Variants in PCDH7 observed in about 807,000 individuals in gnomAD.
PCDH7 encodes the protein protocadherin 7, also known as protocadherin-7.
Under a neutral mutation model 58.9 loss-of-function variants are expected in PCDH7, and 17 were observed. The ratio of observed to expected loss-of-function variants is 0.29; its 90% CI spans 0.20 to 0.43. The LOEUF is 0.43. PCDH7 is among the 20% of genes least tolerant of loss of function. The pLI, the probability that PCDH7 is intolerant of heterozygous loss-of-function variation, is 1.00. For synonymous variants in PCDH7, 664 were observed against 616.4 expected, an observed-to-expected ratio of 1.08 and a Z score of -1.14; for missense variants, 1,274 against 1,441.0, an observed-to-expected ratio of 0.88 and a Z score of 1.88.
At chr4:31,040,988 A>G (rs1401167167) in intron 3 of PCDH7, among the ~76,000 whole-genome samples, 1 of 151,924 alleles carries the variant, frequency 6.6e-6, no homozygotes, top group Non-Finnish European at 1.5e-5. Context: ...ATATTTGTCC[A>G]CTTTCTGAGA....
chr4:30,988,209 GATA>G (rs556159999), intron 3 of PCDH7, among the ~76,000 whole-genome samples: 152 of 152,268 alleles, frequency 1.0e-3, no homozygotes, highest in African/African-American at 3.6e-3. Context: ...AGTACCATGT[GATA>G]GGAAATGAGG....
intron 3 of PCDH7, among the ~76,000 whole-genome samples, chr4:31,007,986 C>A (rs1024666107): frequency 2.5e-4 from 38 of 152,108 alleles, no homozygotes; most frequent in Admixed American, 6.6e-4. Context: ...TTAATCGCTG[C>A]AGCATGACAT....
At chr4:31,082,297 A>C (rs552131422) in intron 3 of PCDH7, among the ~76,000 whole-genome samples, 1 of 152,308 alleles carries the variant, frequency 6.6e-6, no homozygotes, top group African/African-American at 2.4e-5. Context: ...GGGATACAAC[A>C]ACCTTAAGAC....
chr4:30,804,551 AG>A (rs1725944444), intron 1 of PCDH7, among the ~76,000 whole-genome samples: 1 of 145,640 alleles, frequency 6.9e-6, no homozygotes, highest in South Asian at 2.1e-4. Flanking sequence ...AAAAAAAAAA[AG>A]ATGTCAGGCA....
chr4:31,103,955 G>C (rs1715228304), intron 3 of PCDH7, among the ~76,000 whole-genome samples: 1 of 152,104 alleles, frequency 6.6e-6, no homozygotes, highest in Admixed American at 6.5e-5. Context: ...ACGTGATACG[G>C]TTTCATGCCT....
At chr4:31,006,094 T>C (rs960712640) in intron 3 of PCDH7, among the ~76,000 whole-genome samples, 4 of 152,156 alleles carry the variant, frequency 2.6e-5, no homozygotes, top group African/African-American at 9.7e-5. Flanking sequence ...GCTAAATAAA[T>C]TTTGGCTACT....
chr4:31,107,537 AGGACATC>A (rs1200593583), intron 3 of PCDH7, among the ~76,000 whole-genome samples: 2 of 152,224 alleles, frequency 1.3e-5, no homozygotes, highest in Non-Finnish European at 2.9e-5. Context: ...AGACAGAAAC[AGGACATC>A]AGTCAAAATG....
chr4:30,844,782 G>A (rs566964211), intron 1 of PCDH7, among the ~76,000 whole-genome samples: 14 of 152,274 alleles, frequency 9.2e-5, no homozygotes, highest in Non-Finnish European at 2.1e-4. Context: ...AAAGAGAGCA[G>A]ATTAATGTAT....
intron 3 of PCDH7, among the ~76,000 whole-genome samples, chr4:31,047,876 G>C (rs1029189477): frequency 6.6e-6 from 1 of 152,016 alleles, no homozygotes; most frequent in South Asian, 2.1e-4. Context: ...GTTCCCACTT[G>C]ATAGGAGGTC....
intron 3 of PCDH7, among the ~76,000 whole-genome samples, chr4:31,119,924 A>C (rs2109321978): frequency 6.6e-6 from 1 of 151,772 alleles, no homozygotes; most frequent in South Asian, 2.1e-4. Context: ...ATCTTATCAG[A>C]AAGCTACTGG....
At chr4:30,828,869 T>A (rs1729430405) in intron 1 of PCDH7, among the ~76,000 whole-genome samples, 1 of 152,052 alleles carries the variant, frequency 6.6e-6, no homozygotes, top group African/African-American at 2.4e-5. Flanking sequence ...CCCATGATTT[T>A]AATAGTGACA....
chr4:30,957,839 G>A (rs749014446), intron 3 of PCDH7, among the ~76,000 whole-genome samples: 3 of 152,034 alleles, frequency 2.0e-5, no homozygotes, highest in Non-Finnish European at 4.4e-5. Flanking sequence ...AGTTACTTTC[G>A]GCTAACGCAT....
At chr4:30,906,360 T>C (rs1394198532) in intron 1 of PCDH7, among the ~76,000 whole-genome samples, 1 of 152,184 alleles carries the variant, frequency 6.6e-6, no homozygotes, top group East Asian at 1.9e-4. Flanking sequence ...AGATTAGGTA[T>C]TGTCCCATAT....
intron 2 of PCDH7, among the ~76,000 whole-genome samples, chr4:30,949,072 G>T (rs1178553035): frequency 6.6e-6 from 1 of 152,100 alleles, no homozygotes; most frequent in Non-Finnish European, 1.5e-5. Context: ...ATTCATCAAT[G>T]TCCTAGCCCT....
At position 30,855,724 on chromosome 4, in the gene PCDH7, G is replaced by A. The variant is rs73214910; in HGVS notation, c.71-64429G>A. ...TAGTAATACATTGGAGTTAGCACAG[G>A]AATAGGGCAATTCTGTTCTTTTTCT... On this transcript the variant is annotated intron_variant, in intron 1 of 3. Coordinates refer to the PCDH7 transcript ENST00000509759. 5.6e-3 allele frequency among the ~76,000 whole-genome samples: 852 copies of A among 152,240 alleles called. 5 individuals carry two copies. The highest frequency in any genetic ancestry group is 0.02 in the Middle Eastern group (6 of 294).
chr4:30,761,550 C>A (rs1292680694), intron 1 of PCDH7, among the ~76,000 whole-genome samples: 1 of 151,798 alleles, frequency 6.6e-6, no homozygotes, highest in Non-Finnish European at 1.5e-5. Flanking sequence ...TCTTCAAAAT[C>A]TGATATATAT....
chr4:30,879,212 C>T (rs546207481), intron 1 of PCDH7, among the ~76,000 whole-genome samples: 1 of 151,892 alleles, frequency 6.6e-6, no homozygotes, highest in Non-Finnish European at 1.5e-5. Flanking sequence ...CATCTTCCCT[C>T]CCTCTCTCTT....
intron 1 of PCDH7, among the ~76,000 whole-genome samples, chr4:30,785,655 G>A (rs903808878): frequency 5.9e-5 from 9 of 151,820 alleles, no homozygotes; most frequent in Admixed American, 3.9e-4. Flanking sequence ...GTCATTACTT[G>A]TTTTATTACA....
chr4:30,919,620 A>T (rs998908732), intron 1 of PCDH7, among the ~76,000 whole-genome samples: 1 of 152,320 alleles, frequency 6.6e-6, no homozygotes, highest in South Asian at 2.1e-4. Flanking sequence ...TGTAATAAAC[A>T]TATTTGTGTT....
Sources: allele counts gnomAD v4.1 joint callset (sites outside exome capture counted in the v4.1 genomes callset), GRCh38; gene constraint gnomAD v4.1.1; transcripts MANE v1.5; gene names NCBI Gene and HGNC (gene_info 2026-07-23, HGNC 2026-07-21).